Variants in COL4A2 observed in about 807,000 individuals in gnomAD.
COL4A2 encodes collagen alpha-2(IV) chain.
A neutral mutation model predicts 200.2 loss-of-function variants in COL4A2; 99 were observed. That is an observed-to-expected ratio of 0.49 (90% confidence interval 0.42 to 0.58). The LOEUF is 0.58. COL4A2 is among the 20% of genes least tolerant of loss of function. The probability of loss-of-function intolerance (pLI) is 0.00; values close to 1 mark genes in which losing one functional copy is unlikely to be tolerated. For missense variants in COL4A2, 1,950 were observed against 2,314.1 expected (o/e 0.84, Z 3.23); for synonymous variants, 897 against 900.6 (o/e 1.00, Z 0.07).
chr13:110,428,579 C>G lies in COL4A2; in HGVS notation c.473C>G (p.Pro158Arg). The stretch of plus-strand genomic sequence containing the variant: ...CCCGGCTCTGAGGGGTTCACCGGGC[C>G]TCCCGTGAGTATCCCCACAGCGCCT... ...GPPGSEGFTG[P>R]PGPQGPKGQK... The change falls in exon 7 of 48, where the codon CCT becomes CGT. Residue 158 changes from proline (P) to arginine (R), a missense_variant. By Grantham distance (103) the Pro-to-Arg change is moderately radical (BLOSUM62 -2). Around this residue, in one of 2 missense-constraint regions of COL4A2, gnomAD observed 565 missense variants for 593.5 expected, o/e 0.95. Coordinates refer to ENST00000360467, the MANE Select transcript of COL4A2 (RefSeq NM_001846.4). 9 of 1,525,266 alleles carry G rather than the reference C, an allele frequency of 5.9e-6. No homozygotes were observed. The highest frequency in any genetic ancestry group is 7.9e-6 in the Non-Finnish European group (9 of 1,137,386). The allele number at this position is 1,525,266 out of a possible 1,614,324, so 94.5% of individuals were successfully genotyped here. A position where few individuals can be genotyped will look rare whatever the true frequency, so the allele number is the denominator to read the frequency against.
At chr13:110,458,058 C>T (rs906107190) in intron 21 of COL4A2, 5 of 454,734 alleles carry the variant, frequency 1.1e-5, no homozygotes, top group Non-Finnish European at 2.3e-5. Context: ...CCTCTCCCCT[C>T]CCAGAACATG....
At chr13:110,390,387 G>A (rs958867067) in intron 4 of COL4A2, among the ~76,000 whole-genome samples, 1 of 152,238 alleles carries the variant, frequency 6.6e-6, no homozygotes, top group African/African-American at 2.4e-5. Context: ...CCTGCACAGG[G>A]AGCCTTGAAA....
At chr13:110,460,039 G>GA (rs1342482492) in intron 22 of COL4A2, among the ~76,000 whole-genome samples, 1 of 152,180 alleles carries the variant, frequency 6.6e-6, no homozygotes, top group Non-Finnish European at 1.5e-5. Flanking sequence ...TGTAGACAAA[G>GA]AAAGTATACT....
intron 20 of COL4A2, among the ~76,000 whole-genome samples, chr13:110,453,826 A>G (rs1881626322): frequency 6.6e-6 from 1 of 152,218 alleles, no homozygotes; most frequent in Admixed American, 6.5e-5. Flanking sequence ...TTCCAAATCA[A>G]CATTTTTAAA....
At chr13:110,447,661 A>G (rs765823983) in intron 18 of COL4A2, among the ~76,000 whole-genome samples, 1 of 152,212 alleles carries the variant, frequency 6.6e-6, no homozygotes. Flanking sequence ...GAGGACAGAC[A>G]TTTCAGCCCA....
chr13:110,486,043 C>T lies in COL4A2; in HGVS notation c.3207+207C>T, dbSNP rs565491533. Among the ~76,000 whole-genome samples, 462 of 151,842 alleles carry T rather than the reference C, an allele frequency of 3.0e-3. 2 individuals carry two copies. The highest frequency in any genetic ancestry group is 0.011 in the African/African-American group (436 of 41,148). ...ATGTGATGTGAGTCCAACCGGCTGC[C>T]GTGGCCCTTCTGTGGGCTTGTGCTG... is the stretch of plus-strand genomic sequence containing the variant. On this transcript the variant is annotated intron_variant, in intron 34 of 47. Coordinates refer to ENST00000360467, the MANE Select transcript of COL4A2 (RefSeq NM_001846.4).
intron 3 of COL4A2, among the ~76,000 whole-genome samples, chr13:110,356,642 A>T (rs1453277919): frequency 6.6e-6 from 1 of 152,092 alleles, no homozygotes; most frequent in African/African-American, 2.4e-5. Flanking sequence ...CATGCCCCGG[A>T]GTTTCTCATG....
At position 110,492,065 on chromosome 13, in the gene COL4A2, C is replaced by G. The variant is rs2296849; in HGVS notation, c.3455-5C>G. 0.066 allele frequency: 102,230 copies of G among 1,551,114 alleles called. 5,088 individuals carry two copies. Among genetic ancestry groups the G allele is most frequent in the South Asian group, 0.19 (15,871 of 83,992 alleles). ...GCTCAGACTTAATGCTGTGTTCACCCCCAGGCTTTCCAGGGCTGACTGGGC... is the reference window on the plus strand; with the variant it reads ...GCTCAGACTTAATGCTGTGTTCACCGCCAGGCTTTCCAGGGCTGACTGGGC... On this transcript the variant is annotated splice_polypyrimidine_tract_variant and splice_region_variant and intron_variant, in intron 37 of 47. Transcript: ENST00000360467.
intron 20 of COL4A2, among the ~76,000 whole-genome samples, chr13:110,453,631 C>CTTA (rs753180322): frequency 5.9e-5 from 9 of 152,194 alleles, no homozygotes; most frequent in Non-Finnish European, 1.0e-4. Context: ...TCAAGTCTTG[C>CTTA]TTAGTAAATC....
intron 27 of COL4A2, chr13:110,468,186 G>A (rs772327452): frequency 2.1e-6 from 1 of 471,326 alleles, no homozygotes; most frequent in Non-Finnish European, 4.4e-6. Flanking sequence ...GGAGTGCACC[G>A]TGATCACAGG....
In COL4A2 at chr13:110,357,505, A is replaced by G. The variant is rs1877329998; in HGVS notation, c.133A>G (p.Arg45Gly). The G allele has an allele frequency of 3.1e-6, 5 of 1,594,780 alleles. No homozygotes were observed. Among genetic ancestry groups the G allele is most frequent in the Non-Finnish European group, 4.3e-6 (5 of 1,168,690 alleles). ...GAAGTTTGATGTGCCGTGTGGAGGA[A>G]GAGATTGCAGTGGGGGCTGCCAGTG... The part of the protein sequence containing the change: ...VKKFDVPCGG[R>G]DCSGGCQCYP... The change falls in exon 4 of 48, where the codon AGA (arginine) becomes GGA (glycine). Residue 45 changes from arginine to glycine, a missense_variant. By Grantham distance (125) the Arg-to-Gly change is moderately radical. Transcript: ENST00000360467.
chr13:110,506,688 C>G (rs1196576500), intron 46 of COL4A2, 82 bp downstream of exon 46: 1 of 1,384,304 alleles, frequency 7.2e-7, no homozygotes, highest in Non-Finnish European at 9.7e-7. Flanking sequence ...CAGCGAGACT[C>G]CCAAACCCTC....
At chr13:110,490,785 A>C (rs1405163680) in intron 36 of COL4A2, among the ~76,000 whole-genome samples, 1 of 152,206 alleles carries the variant, frequency 6.6e-6, no homozygotes, top group Admixed American at 6.5e-5. Flanking sequence ...TGTTCAACTG[A>C]AAATGTGTCA....
At chr13:110,363,181 C>T (rs1315394645) in intron 4 of COL4A2, among the ~76,000 whole-genome samples, 2 of 152,232 alleles carry the variant, frequency 1.3e-5, no homozygotes, top group Non-Finnish European at 2.9e-5. Context: ...CTCTGCATCA[C>T]TCAGCATGCA....
chr13:110,348,106 G>A (rs942536477), intron 3 of COL4A2, among the ~76,000 whole-genome samples: 1 of 152,204 alleles, frequency 6.6e-6, no homozygotes, highest in African/African-American at 2.4e-5. Flanking sequence ...CAAATACACA[G>A]CCTGAGCTCC....
rs1301750584 is a variant in COL4A2 at position 110,432,412 on chromosome 13, G to A, written c.684+52G>A. The A allele has an allele frequency of 2.6e-6, 4 of 1,553,640 alleles. No individual in the cohort carries two copies. The South Asian group carries it at 3.7e-5, about 15-fold the overall frequency. On this transcript the variant is annotated intron_variant, in intron 11 of 47. Transcript: ENST00000360467. ...GAGGGAAGGGGGTACTTAGGTGTTT[G>A]TGGGTTTGTTTGTTTTTTACCATAA... is the stretch of plus-strand genomic sequence containing the variant.
At chr13:110,424,701 A>G in intron 4 of COL4A2, 33 bp from the exon 5 acceptor site, 1 of 1,496,526 alleles carries the variant, frequency 6.7e-7, no homozygotes, top group South Asian at 1.2e-5. Flanking sequence ...ATTGTGATTA[A>G]TCGTGGAAAT....
At chr13:110,475,438 A>T (rs1882670670) in intron 29 of COL4A2, among the ~76,000 whole-genome samples, 1 of 152,222 alleles carries the variant, frequency 6.6e-6, no homozygotes, top group Non-Finnish European at 1.5e-5. Flanking sequence ...TCTTTGACAT[A>T]AGGGTACTTC....
At chr13:110,311,251 G>C (rs1187277928) in intron 3 of COL4A2, among the ~76,000 whole-genome samples, 1 of 152,252 alleles carries the variant, frequency 6.6e-6, no homozygotes, top group African/African-American at 2.4e-5. Flanking sequence ...CTGGGCTCTA[G>C]ACTCAGTGTG....
Sources: gnomAD v4.1 joint callset for allele counts (sites outside exome capture counted in the v4.1 genomes callset) on GRCh38, gnomAD v4.1.1 for gene constraint, gnomAD v4.1.1 regional missense constraint, MANE v1.5 for transcripts, NCBI Gene and HGNC (gene_info 2026-07-23, HGNC 2026-07-21) for gene names.